Variants in VPS13B observed in about 807,000 individuals in gnomAD.
VPS13B encodes the protein intermembrane lipid transfer protein VPS13B.
A neutral mutation model predicts 426.4 loss-of-function variants in VPS13B; 285 were observed. That is an observed-to-expected ratio of 0.67 (90% CI 0.61 to 0.74). The LOEUF (loss-of-function observed/expected upper bound fraction) is 0.74, where lower values mean the gene tolerates loss of function less well. VPS13B is among the 30% of genes least tolerant of loss of function. The pLI is 0.00. For missense variants in VPS13B, 4,537 were observed against 4,782.6 expected (o/e 0.95, Z 1.51); for synonymous variants, 1,676 against 1,676.4 (o/e 1.00, Z 0.01).
chr8:99,117,509 A>G (rs971245382), intron 7 of VPS13B, among the ~76,000 whole-genome samples: 2 of 152,236 alleles, frequency 1.3e-5, no homozygotes, highest in Admixed American at 6.5e-5. Flanking sequence ...TCATGGTAAC[A>G]TATTCATAGT....
intron 19 of VPS13B, among the ~76,000 whole-genome samples, chr8:99,381,105 T>C (rs988843065): frequency 3.3e-5 from 5 of 152,148 alleles, no homozygotes; most frequent in African/African-American, 1.2e-4. Context: ...CCTCTATGTG[T>C]CCATGTGTTC....
Position 99,848,761 on chromosome 8 carries a change from A to G in VPS13B, c.9943-15A>G, listed in dbSNP as rs764522992. The G allele has an allele frequency of 6.2e-7, 1 of 1,612,092 alleles. No individual in the cohort carries two copies. The highest frequency in any genetic ancestry group is 8.5e-7 in the Non-Finnish European group (1 of 1,178,202). Reference sequence around the variant, plus strand: ...TTATTTCTTTTTAATCAGATTTTGAATATTCTTTCTGCAGGTTGTGTTCCT... The same window carrying G: ...TTATTTCTTTTTAATCAGATTTTGAGTATTCTTTCTGCAGGTTGTGTTCCT... On this transcript the variant is annotated splice_polypyrimidine_tract_variant and intron_variant, in intron 54 of 61. Transcript: ENST00000357162.
chr8:99,622,125 T>G (rs181003718), intron 33 of VPS13B, among the ~76,000 whole-genome samples: 1 of 152,300 alleles, frequency 6.6e-6, no homozygotes, highest in Non-Finnish European at 1.5e-5. Flanking sequence ...AAAAGTCTTG[T>G]GCAAATTTTT....
intron 16 of VPS13B, among the ~76,000 whole-genome samples, chr8:99,187,224 C>CG (rs1003787155): frequency 6.6e-6 from 1 of 150,750 alleles, no homozygotes; most frequent in African/African-American, 2.4e-5. Flanking sequence ...GGTGCAGGGG[C>CG]GGGGGGCGGT....
At chr8:99,124,882 C>CACAAA (rs1768421924) in intron 8 of VPS13B, among the ~76,000 whole-genome samples, 1 of 86,264 alleles carries the variant, frequency 1.2e-5, no homozygotes, top group Non-Finnish European at 2.0e-5. Flanking sequence ...GACTCCGTCT[C>CACAAA]AAAAAAAAAA....
At chr8:99,723,459 A>G (rs1833210134) in intron 39 of VPS13B, among the ~76,000 whole-genome samples, 1 of 152,194 alleles carries the variant, frequency 6.6e-6, no homozygotes, top group East Asian at 1.9e-4. Flanking sequence ...TTCAACTAGT[A>G]CGTATTTGCA....
chr8:99,104,386 T>A (rs1262897078), intron 5 of VPS13B, among the ~76,000 whole-genome samples: 3 of 152,228 alleles, frequency 2.0e-5, no homozygotes, highest in Non-Finnish European at 2.9e-5. Flanking sequence ...CAATAAAAGT[T>A]AAATGATATT....
At chr8:99,461,620 T>C (rs1006301297) in intron 23 of VPS13B, among the ~76,000 whole-genome samples, 2 of 152,192 alleles carry the variant, frequency 1.3e-5, no homozygotes, top group Non-Finnish European at 2.9e-5. Context: ...TTAATGGAAG[T>C]CAGTGAAAGC....
At chr8:99,387,967 T>C (rs193011249) in intron 20 of VPS13B, among the ~76,000 whole-genome samples, 30 of 152,316 alleles carry the variant, frequency 2.0e-4, no homozygotes, top group Non-Finnish European at 7.4e-5. Context: ...GTGTAATCAT[T>C]ACAATAATGT....
chr8:99,070,960 G>T (rs1417460341), intron 3 of VPS13B, among the ~76,000 whole-genome samples: 1 of 151,948 alleles, frequency 6.6e-6, no homozygotes, highest in African/African-American at 2.4e-5. Flanking sequence ...TTTAATCTTT[G>T]TTAAATTTAT....
chr8:99,712,759 CAAA>C (rs386360840), intron 36 of VPS13B, among the ~76,000 whole-genome samples: 21 of 98,122 alleles, frequency 2.1e-4, no homozygotes, highest in Admixed American at 2.2e-4. Flanking sequence ...GTCCCCAAGC[CAAA>C]AAAAAAAAAA....
At chr8:99,695,447 A>G (rs1035269750) in intron 35 of VPS13B, among the ~76,000 whole-genome samples, 3 of 149,118 alleles carry the variant, frequency 2.0e-5, no homozygotes, top group African/African-American at 7.4e-5. Flanking sequence ...CTATCGCAAG[A>G]ACAAAAAACC....
At chr8:99,378,083 C>T (rs1412426814) in intron 19 of VPS13B, among the ~76,000 whole-genome samples, 1 of 148,650 alleles carries the variant, frequency 6.7e-6, no homozygotes, top group Non-Finnish European at 1.5e-5. Flanking sequence ...CGTGTTTCAT[C>T]CCTTACCTGC....
chr8:99,572,261 A>C (rs1326038307), intron 31 of VPS13B, among the ~76,000 whole-genome samples: 2 of 152,186 alleles, frequency 1.3e-5, no homozygotes, highest in Non-Finnish European at 2.9e-5. Context: ...TTGCTTTCTC[A>C]ATAATGTTTT....
At chr8:99,798,373 T>C (rs563937241) in intron 43 of VPS13B, among the ~76,000 whole-genome samples, 2 of 152,158 alleles carry the variant, frequency 1.3e-5, no homozygotes, top group African/African-American at 4.8e-5. Context: ...CAGAGCATAT[T>C]TGGATTTTTT....
chr8:99,832,255 G>A (rs1318165305), intron 51 of VPS13B, 114 bp from the exon 52 acceptor site: 14 of 1,358,840 alleles, frequency 1.0e-5, no homozygotes, highest in Middle Eastern at 2.7e-4. Flanking sequence ...GAGTGAGACT[G>A]TCTCAAAAAA....
At chr8:99,873,944 A>C (rs1458804667) in intron 61 of VPS13B, among the ~76,000 whole-genome samples, 1 of 152,146 alleles carries the variant, frequency 6.6e-6, no homozygotes, top group Non-Finnish European at 1.5e-5. Flanking sequence ...TCTGGTTTTT[A>C]GCTTTTGCCT....
intron 28 of VPS13B, among the ~76,000 whole-genome samples, chr8:99,508,760 A>G (rs1292217190): frequency 6.6e-6 from 1 of 152,068 alleles, no homozygotes; most frequent in East Asian, 1.9e-4. Context: ...ATTAAATGCC[A>G]TTTAAAAAGT....
At chr8:99,481,931 C>G in intron 25 of VPS13B, 129 bp downstream of exon 25, 2 of 1,143,972 alleles carry the variant, frequency 1.7e-6, no homozygotes, top group Admixed American at 4.1e-5. Context: ...TCAAGAGGAG[C>G]TGTGGCAGCA....
Sources: allele counts gnomAD v4.1 joint callset (sites outside exome capture counted in the v4.1 genomes callset), GRCh38; gene constraint gnomAD v4.1.1; transcripts MANE v1.5; gene names NCBI Gene and HGNC (gene_info 2026-07-23, HGNC 2026-07-21).